Variants in LIMS1 observed in about 807,000 individuals in gnomAD.
The protein encoded by LIMS1 is LIM zinc finger domain containing 1.
Under a neutral mutation model 44.1 loss-of-function variants are expected in LIMS1, and 18 were observed. That is an observed-to-expected ratio of 0.41 (90% CI 0.28 to 0.61). The LOEUF (loss-of-function observed/expected upper bound fraction) is 0.61. LIMS1 is among the 20% of genes least tolerant of loss of function. The pLI is 0.32. For missense variants in LIMS1, 201 were observed against 422.0 expected (o/e 0.48, Z 4.59); for synonymous variants, 93 against 149.1 (o/e 0.62, Z 2.74).
intron 1 of LIMS1, among the ~76,000 whole-genome samples, chr2:108,549,619 A>G (rs781530126): frequency 7.2e-5 from 11 of 152,078 alleles, no homozygotes; most frequent in Non-Finnish European, 1.6e-4. Flanking sequence ...ACTGGATTAA[A>G]TTTTTTAGCT....
intron 1 of LIMS1, among the ~76,000 whole-genome samples, chr2:108,556,162 A>T (rs928309185): frequency 1.3e-5 from 2 of 151,776 alleles, no homozygotes; most frequent in Non-Finnish European, 2.9e-5. Flanking sequence ...GAATTTGCCT[A>T]CTCTAGGTAC....
chr2:108,677,893 A>G (rs912564459), intron 7 of LIMS1, 86 bp from the exon 8 acceptor site: 3 of 1,530,366 alleles, frequency 2.0e-6, no homozygotes, highest in African/African-American at 1.4e-5. Flanking sequence ...TAAATCCTCA[A>G]TTTAGATAGC....
intron 1 of LIMS1, among the ~76,000 whole-genome samples, chr2:108,556,676 G>T (rs1684934118): frequency 1.3e-5 from 2 of 152,148 alleles, no homozygotes; most frequent in African/African-American, 4.8e-5. Context: ...GATCAACTCA[G>T]TATACCACTG....
chr2:108,650,928 G>T (rs1690439188), intron 1 of LIMS1, among the ~76,000 whole-genome samples: 2 of 152,064 alleles, frequency 1.3e-5, no homozygotes. Flanking sequence ...ATACTTCTTA[G>T]GCACCACATT....
At chr2:108,592,233 G>A (rs1686442432) in intron 1 of LIMS1, among the ~76,000 whole-genome samples, 1 of 152,288 alleles carries the variant, frequency 6.6e-6, no homozygotes, top group African/African-American at 2.4e-5. Flanking sequence ...GAGTCGGTGT[G>A]TCACTTCTGA....
At chr2:108,581,715 A>T (rs1685892547) in intron 1 of LIMS1, among the ~76,000 whole-genome samples, 1 of 152,180 alleles carries the variant, frequency 6.6e-6, no homozygotes, top group Non-Finnish European at 1.5e-5. Flanking sequence ...AGGCAGGCAG[A>T]TCACCTGAGG....
chr2:108,574,676 T>C (rs1237837223), intron 1 of LIMS1, among the ~76,000 whole-genome samples: 1 of 152,258 alleles, frequency 6.6e-6, no homozygotes, highest in African/African-American at 2.4e-5. Context: ...ATACCTGTTT[T>C]ACAGATGAGA....
chr2:108,551,733 A>G (rs1684724027), intron 1 of LIMS1, among the ~76,000 whole-genome samples: 2 of 146,470 alleles, frequency 1.4e-5, no homozygotes, highest in Non-Finnish European at 3.0e-5. Context: ...TATAATGTAT[A>G]TGATATACAA....
chr2:108,623,969 A>G (rs1280691514), intron 1 of LIMS1, among the ~76,000 whole-genome samples: 1 of 152,274 alleles, frequency 6.6e-6, no homozygotes, highest in Non-Finnish European at 1.5e-5. Context: ...AAATTGTTCA[A>G]AACCGAAGCA....
chr2:108,616,197 CTTTTTTTTTTTT>C (rs1159229290), intron 1 of LIMS1, among the ~76,000 whole-genome samples: 2 of 71,950 alleles, frequency 2.8e-5, no homozygotes, highest in Admixed American at 2.0e-4. Flanking sequence ...TTTGCATGGG[CTTTTTTTTTTTT>C]TTTTTTTTTT....
intron 1 of LIMS1, chr2:108,621,419 C>T (rs1467001072): frequency 2.6e-6 from 4 of 1,550,978 alleles, no homozygotes; most frequent in Non-Finnish European, 3.5e-6. Context: ...CGAGATCGCC[C>T]CGATAGTTTG....
chr2:108,648,045 T>G (rs1212364036), intron 1 of LIMS1, among the ~76,000 whole-genome samples: 1 of 152,230 alleles, frequency 6.6e-6, no homozygotes, highest in East Asian at 1.9e-4. Context: ...GCAGATGACA[T>G]GATTGTATGT....
intron 1 of LIMS1, among the ~76,000 whole-genome samples, chr2:108,654,199 T>C (rs1690694397): frequency 1.3e-5 from 2 of 151,952 alleles, no homozygotes; most frequent in South Asian, 4.2e-4. Flanking sequence ...TGATTTAGTT[T>C]CCTTTCGCAT....
At chr2:108,660,141 C>T (rs1272753868) in intron 2 of LIMS1, 6 of 484,466 alleles carry the variant, frequency 1.2e-5, no homozygotes, top group Admixed American at 9.8e-5. Context: ...CTGTGTCTTT[C>T]CCCCTTCTCA....
intron 5 of LIMS1, 180 bp downstream of exon 5, chr2:108,673,209 T>C (rs917266342): frequency 1.0e-6 from 1 of 962,728 alleles, no homozygotes; most frequent in Non-Finnish European, 1.5e-6. Context: ...TTAATTTCGT[T>C]TCACCAGTTG....
intron 1 of LIMS1, among the ~76,000 whole-genome samples, chr2:108,597,139 C>G (rs996144725): frequency 5.3e-5 from 8 of 151,758 alleles, no homozygotes; most frequent in African/African-American, 1.7e-4. Flanking sequence ...GAACTCCTGA[C>G]CTCAGGTGAT....
At chr2:108,587,585 AT>A (rs1182351432) in intron 1 of LIMS1, among the ~76,000 whole-genome samples, 2 of 152,130 alleles carry the variant, frequency 1.3e-5, no homozygotes, top group African/African-American at 4.8e-5. Flanking sequence ...TGATTCCTCT[AT>A]AATAAAGGAA....
At chr2:108,634,180 CCTT>C (rs1411557220) in intron 1 of LIMS1, among the ~76,000 whole-genome samples, 1 of 152,160 alleles carries the variant, frequency 6.6e-6, no homozygotes, top group Non-Finnish European at 1.5e-5. Context: ...GTTGGGGTCT[CCTT>C]CTAGCAGGAT....
intron 1 of LIMS1, among the ~76,000 whole-genome samples, chr2:108,618,948 G>C (rs1688083995): frequency 6.6e-6 from 1 of 151,680 alleles, no homozygotes; most frequent in Non-Finnish European, 1.5e-5. Flanking sequence ...GTTCCTGTTT[G>C]TCAGTACAGC....
Sources: gnomAD v4.1 joint callset for allele counts (sites outside exome capture counted in the v4.1 genomes callset) on GRCh38, gnomAD v4.1.1 for gene constraint, MANE v1.5 for transcripts, NCBI Gene and HGNC (gene_info 2026-07-23, HGNC 2026-07-21) for gene names.